PCDH9: variants seen among roughly 807,000 people sequenced by gnomAD.
The protein encoded by PCDH9 is protocadherin 9.
A neutral mutation model predicts 70.6 loss-of-function variants in PCDH9; 24 were observed. The ratio of observed to expected loss-of-function variants is 0.34; its 90% CI spans 0.25 to 0.48. The LOEUF is 0.48. PCDH9 is among the 20% of genes least tolerant of loss of function. The pLI, the probability that PCDH9 is intolerant of heterozygous loss-of-function variation, is 0.99. For missense variants in PCDH9, 1,281 were observed against 1,503.6 expected, an observed-to-expected ratio of 0.85 and a Z score of 2.45; for synonymous variants, 562 against 558.5, an observed-to-expected ratio of 1.01 and a Z score of -0.09.
rs572890767 is a variant in PCDH9 at position 66,511,606 on chromosome 13, T to C, written c.3340+119604A>G. Among the ~76,000 whole-genome samples, 152 of 152,214 alleles carry C rather than the reference T, an allele frequency of 1.0e-3. 1 individual carries two copies. The highest frequency in any genetic ancestry group is 3.4e-3 in the Middle Eastern group (1 of 294). ...TCTCATGTTGAAATGTAATCCTTAATGTTAAAGGTGGGCTTGGTGGGAAGT... is the reference window on the plus strand; with the variant it reads ...TCTCATGTTGAAATGTAATCCTTAACGTTAAAGGTGGGCTTGGTGGGAAGT... On this transcript the variant is annotated intron_variant, in intron 4 of 4. Coordinates refer to ENST00000377865, the MANE Select transcript of PCDH9 (RefSeq NM_203487.3).
intron 4 of PCDH9, among the ~76,000 whole-genome samples, chr13:66,391,054 G>C (rs1022064119): frequency 6.6e-6 from 1 of 152,082 alleles, no homozygotes; most frequent in Admixed American, 6.6e-5. Context: ...GTTTCACTAA[G>C]AGCATTAGTG....
At chr13:66,383,360 G>C (rs1956878660) in intron 4 of PCDH9, among the ~76,000 whole-genome samples, 1 of 152,126 alleles carries the variant, frequency 6.6e-6, no homozygotes, top group Non-Finnish European at 1.5e-5. Context: ...AAGAAAAATT[G>C]AGTGCTTGGT....
chr13:67,212,749 C>T (rs2089494060), intron 2 of PCDH9: 1 of 152,056 alleles, frequency 6.6e-6, no homozygotes, highest in Non-Finnish European at 1.5e-5. Context: ...TTAGACTTAC[C>T]TCCAAATAAG....
At chr13:66,574,456 C>A (rs1305674597) in intron 4 of PCDH9, among the ~76,000 whole-genome samples, 1 of 152,144 alleles carries the variant, frequency 6.6e-6, no homozygotes, top group Non-Finnish European at 1.5e-5. Flanking sequence ...ATACAAGCTA[C>A]CCACACATCC....
At chr13:66,833,433 GCAGAGGGTAC>G (rs1392635481) in intron 3 of PCDH9, among the ~76,000 whole-genome samples, 2 of 152,110 alleles carry the variant, frequency 1.3e-5, no homozygotes, top group African/African-American at 4.8e-5. Flanking sequence ...CCACCCCAGG[GCAGAGGGTAC>G]CCTAATATTG....
At chr13:66,438,725 G>A (rs1209267943) in intron 4 of PCDH9, among the ~76,000 whole-genome samples, 1 of 152,158 alleles carries the variant, frequency 6.6e-6, no homozygotes, top group African/African-American at 2.4e-5. Flanking sequence ...AACATTGAAG[G>A]AGGTGGTCTA....
intron 4 of PCDH9, among the ~76,000 whole-genome samples, chr13:66,627,774 C>T (rs1169316413): frequency 6.6e-6 from 1 of 152,162 alleles, no homozygotes; most frequent in Admixed American, 6.5e-5. Flanking sequence ...GTGTCTTTTT[C>T]CATGTGACTA....
At chr13:66,768,483 G>T (rs1306233880) in intron 3 of PCDH9, among the ~76,000 whole-genome samples, 2 of 151,966 alleles carry the variant, frequency 1.3e-5, no homozygotes, top group Admixed American at 1.3e-4. Context: ...AGTGAATAGG[G>T]TATGAAGAAT....
At chr13:66,909,991 A>G (rs979625055) in intron 2 of PCDH9, among the ~76,000 whole-genome samples, 29 of 151,902 alleles carry the variant, frequency 1.9e-4, no homozygotes, top group Non-Finnish European at 3.8e-4. Flanking sequence ...TACTCTCTTG[A>G]CCCTACAGAT....
intron 2 of PCDH9, among the ~76,000 whole-genome samples, chr13:66,935,840 G>A (rs2082907260): frequency 1.3e-5 from 2 of 152,040 alleles, no homozygotes; most frequent in South Asian, 2.1e-4. Flanking sequence ...CAGCACTTTG[G>A]AAAGCTGAGG....
At chr13:66,560,311 G>C (rs140216531) in intron 4 of PCDH9, among the ~76,000 whole-genome samples, 20 of 152,144 alleles carry the variant, frequency 1.3e-4, no homozygotes, top group African/African-American at 4.8e-4. Context: ...CATGGGAAGG[G>C]GGAGGGGTCC....
intron 2 of PCDH9, among the ~76,000 whole-genome samples, chr13:67,183,468 C>T (rs1397075758): frequency 6.6e-6 from 1 of 152,080 alleles, no homozygotes; most frequent in Non-Finnish European, 1.5e-5. Flanking sequence ...AATATCTCAG[C>T]TGCTATTTTT....
rs1317686360 is a variant in PCDH9 at position 67,225,423 on chromosome 13, G to T, written c.3018C>A (p.Gly1006=). 2 of 1,613,972 alleles carry T rather than the reference G, an allele frequency of 1.2e-6. No homozygotes were observed. Among genetic ancestry groups the T allele is most frequent in the East Asian group, 4.5e-5 (2 of 44,882 alleles). Residue 1006 remains glycine (G), a synonymous_variant, in exon 2 of 5, where the codon GGC becomes GGA. Coordinates refer to ENST00000377865, the MANE Select transcript of PCDH9 (RefSeq NM_203487.3). Reference sequence around the variant, plus strand: ...CGTTTACCTGTCTGGTGTGTAAGGGGCCCTTTGTCTTGAAGCCTCCTTGGG... The same window carrying T: ...CGTTTACCTGTCTGGTGTGTAAGGGTCCCTTTGTCTTGAAGCCTCCTTGGG... The part of the protein sequence containing the change: ...CSSQGGFKTK[G]PLHTRQCNSH...
chr13:66,999,444 T>G (rs2084193195), intron 2 of PCDH9, among the ~76,000 whole-genome samples: 1 of 152,166 alleles, frequency 6.6e-6, no homozygotes, highest in Admixed American at 6.5e-5. Flanking sequence ...TTTTATACCA[T>G]TAAACTAAAT....
intron 3 of PCDH9, among the ~76,000 whole-genome samples, chr13:66,682,754 C>T (rs1053640256): frequency 1.3e-5 from 2 of 151,912 alleles, no homozygotes; most frequent in African/African-American, 2.4e-5. Flanking sequence ...TTATGTGTTC[C>T]CAACTGGAAT....
chr13:67,194,032 A>G (rs1331916921), intron 2 of PCDH9, among the ~76,000 whole-genome samples: 3 of 152,132 alleles, frequency 2.0e-5, no homozygotes, highest in Admixed American at 6.5e-5. Context: ...ATCAAGAGGA[A>G]TTTTAAAAAA....
intron 3 of PCDH9, chr13:66,876,878 A>G (rs1469196053): frequency 6.6e-6 from 1 of 152,114 alleles, no homozygotes; most frequent in African/African-American, 2.4e-5. Context: ...CCAGGAAATC[A>G]GACAGCTCTC....
At chr13:66,804,396 A>G (rs1162690837) in intron 3 of PCDH9, among the ~76,000 whole-genome samples, 5 of 152,170 alleles carry the variant, frequency 3.3e-5, no homozygotes, top group African/African-American at 4.8e-5. Context: ...CTTTCAAGAC[A>G]CTTTGCATGA....
chr13:66,820,087 TA>T (rs1313217438), intron 3 of PCDH9, among the ~76,000 whole-genome samples: 1 of 152,142 alleles, frequency 6.6e-6, no homozygotes, highest in Non-Finnish European at 1.5e-5. Flanking sequence ...AATAAATTTT[TA>T]TATTGAATTT....
Sources: allele counts gnomAD v4.1 joint callset (sites outside exome capture counted in the v4.1 genomes callset), GRCh38; gene constraint gnomAD v4.1.1; transcripts MANE v1.5; gene names NCBI Gene and HGNC (gene_info 2026-07-23, HGNC 2026-07-21).